Variants in PDE4D observed in about 807,000 individuals in gnomAD.
PDE4D encodes the protein phosphodiesterase 4D, also known as 3',5'-cyclic-AMP phosphodiesterase 4D.
A neutral mutation model predicts 87.4 loss-of-function variants in PDE4D; 24 were observed. The ratio of observed to expected loss-of-function variants is 0.27; its 90% CI spans 0.20 to 0.39. The LOEUF (loss-of-function observed/expected upper bound fraction) is 0.39, where lower values mean the gene tolerates loss of function less well. Among genes scored for constraint, PDE4D ranks in the 10% least tolerant of loss-of-function variants. The pLI is 1.00. For missense variants in PDE4D, 714 were observed against 1,041.0 expected (o/e 0.69, Z 4.32); for synonymous variants, 384 against 383.2 (o/e 1.00, Z -0.02).
chr5:60,133,753 A>C (rs1421119925), intron 2 of PDE4D, among the ~76,000 whole-genome samples: 1 of 152,186 alleles, frequency 6.6e-6, no homozygotes, highest in Non-Finnish European at 1.5e-5. Flanking sequence ...TTAATTATTA[A>C]GGCTTTACAT....
At chr5:60,413,369 G>A (rs372677739) in intron 1 of PDE4D, among the ~76,000 whole-genome samples, 12 of 152,262 alleles carry the variant, frequency 7.9e-5, no homozygotes, top group African/African-American at 2.9e-4. Context: ...TCCCTTGCAT[G>A]CATATTGCTC....
At chr5:59,533,394 C>G (rs1450750473) in intron 1 of PDE4D, among the ~76,000 whole-genome samples, 1 of 152,194 alleles carries the variant, frequency 6.6e-6, no homozygotes, top group Non-Finnish European at 1.5e-5. Flanking sequence ...CTTAGCAAAT[C>G]TGTAATGCCC....
chr5:60,085,412 C>A (rs569890971), intron 2 of PDE4D, among the ~76,000 whole-genome samples: 1 of 152,282 alleles, frequency 6.6e-6, no homozygotes, highest in East Asian at 1.9e-4. Context: ...CACTTCCTAA[C>A]CTCCAGGCAT....
At chr5:60,193,985 T>C (rs1178738345) in intron 1 of PDE4D, among the ~76,000 whole-genome samples, 3 of 151,424 alleles carry the variant, frequency 2.0e-5, no homozygotes, top group Admixed American at 2.0e-4. Flanking sequence ...TGCCTGTCTT[T>C]CCTCCTCCAT....
intron 1 of PDE4D, among the ~76,000 whole-genome samples, chr5:59,259,300 A>G (rs538894439): frequency 6.6e-6 from 1 of 151,988 alleles, no homozygotes; most frequent in East Asian, 1.9e-4. Context: ...ATCACCCAGC[A>G]TGTAAAAGAA....
intron 1 of PDE4D, among the ~76,000 whole-genome samples, chr5:59,852,394 C>T (rs539929130): frequency 3.3e-5 from 5 of 152,184 alleles, no homozygotes; most frequent in South Asian, 4.1e-4. Context: ...CTATGGATCA[C>T]GCACACTTTG....
At chr5:59,420,176 A>G (rs1316570791) in intron 1 of PDE4D, among the ~76,000 whole-genome samples, 1 of 152,204 alleles carries the variant, frequency 6.6e-6, no homozygotes, top group East Asian at 1.9e-4. Context: ...CCTCAGTCAC[A>G]GTACGTGTAA....
chr5:60,080,851 G>A (rs1773847239), intron 2 of PDE4D, among the ~76,000 whole-genome samples: 1 of 152,122 alleles, frequency 6.6e-6, no homozygotes, highest in African/African-American at 2.4e-5. Flanking sequence ...CTTTTTTGTT[G>A]TGTCTCTTAC....
chr5:60,075,047 T>C (rs996574958), intron 2 of PDE4D, among the ~76,000 whole-genome samples: 1 of 152,186 alleles, frequency 6.6e-6, no homozygotes, highest in Non-Finnish European at 1.5e-5. Flanking sequence ...CCTGTCATCA[T>C]GTTGTTAGGT....
At chr5:59,862,383 T>C (rs1221106852) in intron 1 of PDE4D, among the ~76,000 whole-genome samples, 1 of 152,206 alleles carries the variant, frequency 6.6e-6, no homozygotes, top group Non-Finnish European at 1.5e-5. Context: ...CCATTTGTCA[T>C]GCGTATCCTC....
chr5:60,161,025 C>T (rs1160912311), intron 2 of PDE4D, among the ~76,000 whole-genome samples: 3 of 151,860 alleles, frequency 2.0e-5, no homozygotes, highest in Admixed American at 6.6e-5. Flanking sequence ...AATGAATTAT[C>T]GATTAAGATG....
intron 5 of PDE4D, among the ~76,000 whole-genome samples, chr5:59,128,034 G>A (rs754649530): frequency 0.057 from 8,674 of 151,524 alleles, 313 homozygotes; most frequent in Middle Eastern, 0.14. Flanking sequence ...GTGTGTGTGT[G>A]TGTGTGTGTG....
At chr5:59,315,764 A>G (rs1773594398) in intron 1 of PDE4D, among the ~76,000 whole-genome samples, 1 of 152,162 alleles carries the variant, frequency 6.6e-6, no homozygotes, top group African/African-American at 2.4e-5. Flanking sequence ...CTAGACCAGT[A>G]AAGGAAAATT....
intron 2 of PDE4D, among the ~76,000 whole-genome samples, chr5:60,177,473 G>T (rs560685183): frequency 1.3e-5 from 2 of 152,204 alleles, no homozygotes; most frequent in Non-Finnish European, 2.9e-5. Flanking sequence ...GTAAAATGAG[G>T]TTATTTTCAA....
At chr5:59,392,503 C>CTATATATATATATA (rs3061702) in intron 1 of PDE4D, among the ~76,000 whole-genome samples, 5,867 of 138,938 alleles carry the variant, frequency 0.042, 143 homozygotes, top group South Asian at 0.054. Context: ...GTGTGTGTGT[C>CTATATATATATATA]TATATATATA....
chr5:59,732,423 C>T (rs914783236), intron 1 of PDE4D, among the ~76,000 whole-genome samples: 3 of 151,832 alleles, frequency 2.0e-5, no homozygotes, highest in African/African-American at 7.3e-5. Context: ...CACACACACA[C>T]ACACTCACTC....
intron 5 of PDE4D, among the ~76,000 whole-genome samples, chr5:59,075,650 A>T (rs1178773989): frequency 6.6e-6 from 1 of 152,162 alleles, no homozygotes. Flanking sequence ...TGAAGAAAAG[A>T]CTTCTTATAA....
intron 1 of PDE4D, among the ~76,000 whole-genome samples, chr5:59,295,698 C>T (rs772637591): frequency 5.9e-5 from 9 of 152,158 alleles, no homozygotes; most frequent in Admixed American, 1.3e-4. Context: ...AGTAAGCAAC[C>T]GTCATGTGAA....
At chr5:60,499,559 A>T (rs960310412) in intron 1 of PDE4D, among the ~76,000 whole-genome samples, 2 of 152,184 alleles carry the variant, frequency 1.3e-5, no homozygotes, top group Non-Finnish European at 2.9e-5. Flanking sequence ...TCTCATGCTG[A>T]TGGCTCTCTT....
Sources: gnomAD v4.1 joint callset for allele counts (sites outside exome capture counted in the v4.1 genomes callset) on GRCh38, gnomAD v4.1.1 for gene constraint, MANE v1.5 for transcripts, NCBI Gene and HGNC (gene_info 2026-07-23, HGNC 2026-07-21) for gene names.